The following ADAMTS3 variants were observed in gnomAD, a reference collection of about 807,000 sequenced individuals.
ADAMTS3 encodes the protein ADAM metallopeptidase with thrombospondin type 1 motif 3.
Under a neutral mutation model 129.0 loss-of-function variants are expected in ADAMTS3, and 73 were observed. That is an observed-to-expected ratio of 0.57 (90% CI 0.47 to 0.69). ADAMTS3 has a LOEUF of 0.69. Ranked by LOEUF, ADAMTS3 falls within the 30% of genes least tolerant of loss-of-function variation. ADAMTS3 has a pLI of 0.00. For synonymous variants in ADAMTS3, 477 were observed against 510.8 expected (o/e 0.93, Z 0.89); for missense variants, 1,457 against 1,514.5 (o/e 0.96, Z 0.63).
At position 72,295,689 on chromosome 4, in the gene ADAMTS3, T is replaced by C; in HGVS notation, c.2688A>G (p.Arg896=). ...CEANKKPKPI[R]RMCNIQECTH... ...TACACTCTTGAATATTGCACATTCGTCTAATAGGTTTCGGCTTTTTGTTGG... is the reference window on the plus strand; with the variant it reads ...TACACTCTTGAATATTGCACATTCGCCTAATAGGTTTCGGCTTTTTGTTGG... The change falls in exon 19 of 22, where the codon AGA becomes AGG. Residue 896 remains arginine, a synonymous_variant. Transcript: ENST00000286657. 1.9e-6 allele frequency: 3 copies of C among 1,612,962 alleles called. No individual in the cohort carries two copies. In the African/African-American group the frequency reaches 4.0e-5, roughly 22 times the overall value.
intron 8 of ADAMTS3, 36 bp downstream of exon 8, chr4:72,319,822 C>G: frequency 6.7e-7 from 1 of 1,503,658 alleles, no homozygotes; most frequent in Non-Finnish European, 9.3e-7. Context: ...AAGAAAAGAT[C>G]TTTTTTTGGC....
intron 5 of ADAMTS3, among the ~76,000 whole-genome samples, chr4:72,328,746 A>C (rs1426366188): frequency 6.6e-6 from 1 of 152,234 alleles, no homozygotes; most frequent in Non-Finnish European, 1.5e-5. Context: ...AAGCAAATAA[A>C]CACCACATAT....
intron 5 of ADAMTS3, among the ~76,000 whole-genome samples, chr4:72,338,035 T>C (rs557509058): frequency 1.9e-4 from 29 of 152,220 alleles, no homozygotes; most frequent in African/African-American, 6.3e-4. Context: ...TTAGATAACT[T>C]ATGAAGTAAA....
At chr4:72,519,021 A>G (rs1360601818) in intron 3 of ADAMTS3, among the ~76,000 whole-genome samples, 2 of 151,300 alleles carry the variant, frequency 1.3e-5, no homozygotes, top group South Asian at 2.1e-4. Context: ...GAGCTCTTTT[A>G]GGGCAGGCCT....
intron 4 of ADAMTS3, among the ~76,000 whole-genome samples, chr4:72,403,306 A>G (rs761953989): frequency 6.6e-6 from 1 of 152,010 alleles, no homozygotes; most frequent in Non-Finnish European, 1.5e-5. Context: ...AATACTATCT[A>G]CTCTCTGATG....
chr4:72,534,079 G>A (rs1470464270), intron 3 of ADAMTS3, among the ~76,000 whole-genome samples: 2 of 152,150 alleles, frequency 1.3e-5, no homozygotes, highest in Non-Finnish European at 2.9e-5. Context: ...TGTAATCCCA[G>A]CAGTTTGGGA....
At chr4:72,517,284 G>A (rs995833599) in intron 3 of ADAMTS3, among the ~76,000 whole-genome samples, 2 of 152,128 alleles carry the variant, frequency 1.3e-5, no homozygotes, top group African/African-American at 4.8e-5. Context: ...CAAGGATATT[G>A]GTCTAAAATT....
chr4:72,303,670 AGAT>A (rs746793156), intron 17 of ADAMTS3, among the ~76,000 whole-genome samples: 7 of 152,232 alleles, frequency 4.6e-5, no homozygotes, highest in South Asian at 2.1e-4. Context: ...TGTCTTTAAA[AGAT>A]GATAACTGAT....
At chr4:72,496,151 T>C (rs1341641202) in intron 3 of ADAMTS3, among the ~76,000 whole-genome samples, 1 of 152,214 alleles carries the variant, frequency 6.6e-6, no homozygotes, top group Non-Finnish European at 1.5e-5. Context: ...TACTTAATCT[T>C]ACAGAGGAAA....
intron 2 of ADAMTS3, among the ~76,000 whole-genome samples, chr4:72,565,966 T>A (rs145180238): frequency 6.6e-6 from 1 of 152,324 alleles, no homozygotes; most frequent in Non-Finnish European, 1.5e-5. Context: ...TTGGGACGTG[T>A]AAGTAATCAA....
chr4:72,364,258 C>T (rs1720810347), intron 4 of ADAMTS3, among the ~76,000 whole-genome samples: 1 of 151,768 alleles, frequency 6.6e-6, no homozygotes. Flanking sequence ...GAAGGACATA[C>T]ACTAAAAAAT....
At chr4:72,568,224 G>A (rs1034752962) in intron 1 of ADAMTS3, among the ~76,000 whole-genome samples, 2 of 151,964 alleles carry the variant, frequency 1.3e-5, no homozygotes. Flanking sequence ...TGAAACCCCC[G>A]CCTCCGGCTG....
chr4:72,369,417 TA>T (rs1195955409), intron 4 of ADAMTS3, among the ~76,000 whole-genome samples: 3 of 151,750 alleles, frequency 2.0e-5, no homozygotes, highest in Non-Finnish European at 2.9e-5. Context: ...TAACAAGTAC[TA>T]AAAAAAATGT....
chr4:72,517,374 T>C (rs1354756188), intron 3 of ADAMTS3, among the ~76,000 whole-genome samples: 2 of 152,220 alleles, frequency 1.3e-5, no homozygotes, highest in African/African-American at 4.8e-5. Context: ...GAGGATTCCC[T>C]CTTTTTCTAT....
intron 5 of ADAMTS3, among the ~76,000 whole-genome samples, chr4:72,328,412 T>C (rs974920410): frequency 6.6e-6 from 1 of 152,222 alleles, no homozygotes; most frequent in Admixed American, 6.5e-5. Context: ...GACTAGCTGA[T>C]GAACAGCTTT....
At chr4:72,486,660 A>G (rs1409055547) in intron 3 of ADAMTS3, among the ~76,000 whole-genome samples, 1 of 152,196 alleles carries the variant, frequency 6.6e-6, no homozygotes, top group Non-Finnish European at 1.5e-5. Flanking sequence ...GAAAAAAATA[A>G]TTCTTTCCCA....
intron 3 of ADAMTS3, among the ~76,000 whole-genome samples, chr4:72,517,965 T>C (rs1036458886): frequency 6.6e-6 from 1 of 151,632 alleles, no homozygotes; most frequent in Non-Finnish European, 1.5e-5. Context: ...CTTTCTCTTG[T>C]GGGCATTTAG....
chr4:72,431,300 G>A (rs182805245), intron 3 of ADAMTS3, among the ~76,000 whole-genome samples: 14 of 152,060 alleles, frequency 9.2e-5, no homozygotes, highest in Non-Finnish European at 1.3e-4. Context: ...AATACGTGAG[G>A]AGCATGACAG....
chr4:72,544,331 A>C, intron 3 of ADAMTS3, among the ~76,000 whole-genome samples: 1 of 152,124 alleles, frequency 6.6e-6, no homozygotes, highest in Non-Finnish European at 1.5e-5. Context: ...TCTCCCTTTT[A>C]AATTGTATTT....
Sources: gnomAD v4.1 joint callset for allele counts (sites outside exome capture counted in the v4.1 genomes callset) on GRCh38, gnomAD v4.1.1 for gene constraint, MANE v1.5 for transcripts, NCBI Gene and HGNC (gene_info 2026-07-23, HGNC 2026-07-21) for gene names.